SLC4A4: variants seen among roughly 807,000 people sequenced by gnomAD.
The protein encoded by SLC4A4 is solute carrier family 4 member 4.
In SLC4A4, 27 loss-of-function variants were observed where a neutral mutation model predicts 111.5. The ratio of observed to expected loss-of-function variants is 0.24; its 90% CI spans 0.18 to 0.33. The LOEUF (loss-of-function observed/expected upper bound fraction) is 0.33, where lower values mean the gene tolerates loss of function less well. Ranked by LOEUF, SLC4A4 falls within the 10% of genes least tolerant of loss-of-function variation. SLC4A4 has a pLI of 1.00. For missense variants in SLC4A4, 909 were observed against 1,315.5 expected (o/e 0.69, Z 4.78); for synonymous variants, 443 against 463.4 (o/e 0.96, Z 0.57).
intron 6 of SLC4A4, among the ~76,000 whole-genome samples, chr4:71,358,768 T>G (rs1235414477): frequency 6.6e-6 from 1 of 152,162 alleles, no homozygotes; most frequent in Non-Finnish European, 1.5e-5. Context: ...GCTAGAAAGT[T>G]ATAGAATGAG....
At chr4:71,153,491 T>G (rs1744371638) in intron 2 of SLC4A4, among the ~76,000 whole-genome samples, 1 of 152,150 alleles carries the variant, frequency 6.6e-6, no homozygotes, top group Non-Finnish European at 1.5e-5. Context: ...CTCCTCCTGT[T>G]AGATGTCTCT....
intron 1 of SLC4A4, among the ~76,000 whole-genome samples, chr4:71,227,600 C>T (rs1476267950): frequency 6.6e-6 from 1 of 152,154 alleles, no homozygotes; most frequent in African/African-American, 2.4e-5. Flanking sequence ...GGGGTATCAT[C>T]CCTTCTTCCC....
At chr4:71,129,280 A>G (rs998384659) in intron 2 of SLC4A4, among the ~76,000 whole-genome samples, 3 of 152,180 alleles carry the variant, frequency 2.0e-5, no homozygotes, top group African/African-American at 4.8e-5. Context: ...AAAAAACAAG[A>G]GACCTCATTA....
intron 6 of SLC4A4, among the ~76,000 whole-genome samples, chr4:71,383,842 G>A (rs994316019): frequency 2.6e-5 from 4 of 151,776 alleles, no homozygotes; most frequent in Admixed American, 6.6e-5. Flanking sequence ...GGATCCATTA[G>A]GCCCATCCAG....
intron 1 of SLC4A4, among the ~76,000 whole-genome samples, chr4:71,230,225 GA>G (rs1719325903): frequency 6.6e-6 from 1 of 152,184 alleles, no homozygotes; most frequent in Non-Finnish European, 1.5e-5. Flanking sequence ...TATAGCTCCT[GA>G]AAAAGACCTG....
chr4:71,118,343 C>G (rs1465194346), intron 2 of SLC4A4, among the ~76,000 whole-genome samples: 1 of 152,114 alleles, frequency 6.6e-6, no homozygotes, highest in Non-Finnish European at 1.5e-5. Context: ...TCCTTTTCTT[C>G]GATAATACAA....
chr4:71,561,729 G>T (rs1736998397), intron 23 of SLC4A4, among the ~76,000 whole-genome samples: 2 of 151,708 alleles, frequency 1.3e-5, no homozygotes, highest in Non-Finnish European at 1.5e-5. Flanking sequence ...AGACGTAATA[G>T]TCCGAAGAAC....
intron 1 of SLC4A4, among the ~76,000 whole-genome samples, chr4:71,071,248 C>T (rs1038095818): frequency 5.7e-5 from 8 of 140,154 alleles, no homozygotes; most frequent in East Asian, 4.2e-4. Context: ...CCAGTCTAGG[C>T]GACAGAGTGA....
intron 16 of SLC4A4, among the ~76,000 whole-genome samples, chr4:71,506,617 G>A (rs1265856379): frequency 6.6e-6 from 1 of 152,158 alleles, no homozygotes; most frequent in East Asian, 1.9e-4. Flanking sequence ...TCTAGATACA[G>A]TTTTATATAA....
chr4:71,316,307 C>A (rs1477114629), intron 3 of SLC4A4, among the ~76,000 whole-genome samples: 1 of 152,120 alleles, frequency 6.6e-6, no homozygotes, highest in African/African-American at 2.4e-5. Context: ...TAGAAGAAAA[C>A]CCTCCCTCTG....
chr4:71,502,754 A>T (rs980665514), intron 16 of SLC4A4, among the ~76,000 whole-genome samples: 1 of 152,162 alleles, frequency 6.6e-6, no homozygotes, highest in Non-Finnish European at 1.5e-5. Flanking sequence ...CTAGCATATG[A>T]TCTGTCCTGG....
chr4:71,470,507 T>C (rs1727771074), intron 13 of SLC4A4, among the ~76,000 whole-genome samples: 1 of 152,080 alleles, frequency 6.6e-6, no homozygotes, highest in Non-Finnish European at 1.5e-5. Flanking sequence ...ATTTGGTTTC[T>C]GGTCAAGCTC....
intron 1 of SLC4A4, among the ~76,000 whole-genome samples, chr4:71,221,376 A>G (rs1327631689): frequency 6.6e-6 from 1 of 152,226 alleles, no homozygotes; most frequent in Non-Finnish European, 1.5e-5. Context: ...CTGTTTGTAC[A>G]AACAAGTGGC....
chr4:71,176,397 T>A (rs925203611), intron 2 of SLC4A4, among the ~76,000 whole-genome samples: 4 of 151,976 alleles, frequency 2.6e-5, no homozygotes, highest in Non-Finnish European at 5.9e-5. Context: ...AAGGAGGAAG[T>A]TCGAACACAT....
At chr4:71,509,102 T>C (rs1447799207) in intron 16 of SLC4A4, among the ~76,000 whole-genome samples, 1 of 152,192 alleles carries the variant, frequency 6.6e-6, no homozygotes, top group Non-Finnish European at 1.5e-5. Flanking sequence ...GGAAGATACC[T>C]CAAAATAATG....
At chr4:71,334,023 G>A (rs997225238) in intron 3 of SLC4A4, among the ~76,000 whole-genome samples, 1 of 151,938 alleles carries the variant, frequency 6.6e-6, no homozygotes, top group African/African-American at 2.4e-5. Flanking sequence ...GGCTGAGCTG[G>A]TGCCCAAGCT....
At chr4:71,409,451 A>C (rs769961410) in intron 7 of SLC4A4, among the ~76,000 whole-genome samples, 1 of 152,246 alleles carries the variant, frequency 6.6e-6, no homozygotes, top group Non-Finnish European at 1.5e-5. Flanking sequence ...TTTAGCAAAG[A>C]GACTGGAGGC....
At chr4:71,343,173 C>A (rs766711205) in intron 4 of SLC4A4, among the ~76,000 whole-genome samples, 1 of 152,164 alleles carries the variant, frequency 6.6e-6, no homozygotes, top group Non-Finnish European at 1.5e-5. Context: ...TGGTTGAGAA[C>A]TGATTGCCTT....
At chr4:71,469,229 G>A (rs1440115032) in intron 13 of SLC4A4, among the ~76,000 whole-genome samples, 1 of 151,820 alleles carries the variant, frequency 6.6e-6, no homozygotes, top group South Asian at 2.1e-4. Context: ...GTGTTCTAAG[G>A]TATATAAAAA....
Sources: allele counts gnomAD v4.1 joint callset (sites outside exome capture counted in the v4.1 genomes callset), GRCh38; gene constraint gnomAD v4.1.1; transcripts MANE v1.5; gene names NCBI Gene and HGNC (gene_info 2026-07-23, HGNC 2026-07-21).